The following TSPEAR variants were observed in gnomAD, a reference collection of about 807,000 sequenced individuals.
TSPEAR encodes the protein thrombospondin-type laminin G domain and EAR repeat-containing protein.
In TSPEAR, 69 loss-of-function variants were observed where a neutral mutation model predicts 71.6. That is an observed-to-expected ratio of 0.96 (90% CI 0.79 to 1.18). The LOEUF (loss-of-function observed/expected upper bound fraction) is 1.18, where lower values mean the gene tolerates loss of function less well. Among genes scored for constraint, TSPEAR ranks in the 50% most tolerant of loss-of-function variants. The pLI is 0.00. For synonymous variants in TSPEAR, 402 were observed against 387.2 expected, an observed-to-expected ratio of 1.04 and a Z score of -0.45; for missense variants, 971 against 894.9, an observed-to-expected ratio of 1.09 and a Z score of -1.09.
chr21:44,676,683 C>A, intron 1 of TSPEAR: 2 of 771,418 alleles, frequency 2.6e-6, no homozygotes, highest in African/African-American at 1.7e-5. Flanking sequence ...GGGCAGCTGC[C>A]TGTCAGTGAA....
chr21:44,500,154 C>G (rs149540317), intron 11 of TSPEAR, among the ~76,000 whole-genome samples: 121 of 152,332 alleles, frequency 7.9e-4, no homozygotes, highest in African/African-American at 2.7e-3. Flanking sequence ...AGGAAAGATT[C>G]CAGATCTCAC....
intron 1 of TSPEAR, among the ~76,000 whole-genome samples, chr21:44,570,841 G>T (rs2053783338): frequency 6.6e-6 from 1 of 152,206 alleles, no homozygotes; most frequent in Admixed American, 6.5e-5. Context: ...AAATTAAAAG[G>T]CTGATAAGGG....
At chr21:44,615,352 G>A (rs1237029528) in intron 1 of TSPEAR, among the ~76,000 whole-genome samples, 1 of 152,244 alleles carries the variant, frequency 6.6e-6, no homozygotes, top group Non-Finnish European at 1.5e-5. Flanking sequence ...AGGCCGCACA[G>A]GTGCCAAGCG....
At chr21:44,688,487 G>C (rs1205747178) in intron 1 of TSPEAR, among the ~76,000 whole-genome samples, 1 of 152,186 alleles carries the variant, frequency 6.6e-6, no homozygotes, top group Non-Finnish European at 1.5e-5. Flanking sequence ...TTGGGAGGCC[G>C]AGGAGGGCAG....
intron 2 of TSPEAR, chr21:44,551,044 A>C: frequency 1.2e-6 from 2 of 1,610,980 alleles, no homozygotes; most frequent in East Asian, 2.2e-5. Flanking sequence ...ACACGGCAGG[A>C]CTGCTGGCAG....
chr21:44,709,640 A>G (rs1988116312), intron 1 of TSPEAR, among the ~76,000 whole-genome samples: 1 of 152,210 alleles, frequency 6.6e-6, no homozygotes, highest in African/African-American at 2.4e-5. Context: ...GTGGGCACAG[A>G]CTCAGGGAGC....
At chr21:44,582,887 G>A (rs1273945630) in intron 1 of TSPEAR, among the ~76,000 whole-genome samples, 1 of 151,396 alleles carries the variant, frequency 6.6e-6, no homozygotes, top group Non-Finnish European at 1.5e-5. Flanking sequence ...CCAGGCTGGA[G>A]TGCAGTGGTG....
At chr21:44,620,656 T>C (rs1982381052) in intron 1 of TSPEAR, among the ~76,000 whole-genome samples, 1 of 152,248 alleles carries the variant, frequency 6.6e-6, no homozygotes, top group Admixed American at 6.5e-5. Flanking sequence ...TTAAAATTTC[T>C]ATTCCATTTA....
At chr21:44,576,904 T>C (rs1555924061) in intron 1 of TSPEAR, among the ~76,000 whole-genome samples, 1 of 152,128 alleles carries the variant, frequency 6.6e-6, no homozygotes, top group Non-Finnish European at 1.5e-5. Context: ...AGAGCAAGTC[T>C]CAGTGTCCTC....
chr21:44,624,661 T>G (rs973250089), intron 1 of TSPEAR, among the ~76,000 whole-genome samples: 1 of 152,232 alleles, frequency 6.6e-6, no homozygotes, highest in African/African-American at 2.4e-5. Flanking sequence ...TATTCACTGT[T>G]TCCAACTGAC....
intron 1 of TSPEAR, among the ~76,000 whole-genome samples, chr21:44,708,243 G>A (rs878551): frequency 0.25 from 37,438 of 152,008 alleles, 4,847 homozygotes; most frequent in Admixed American, 0.32. Context: ...GGGCCCCCTG[G>A]ACAGAGGACT....
chr21:44,527,634 A>G (rs1030323436), intron 6 of TSPEAR, 116 bp from the exon 7 acceptor site: 4 of 939,544 alleles, frequency 4.3e-6, no homozygotes, highest in Admixed American at 2.2e-5. Flanking sequence ...CCTGCGCCTC[A>G]GCCTCGGGCA....
In TSPEAR at chr21:44,542,131, TCAAA is replaced by T. The variant is rs1433207651; in HGVS notation, c.304-8212_304-8209del. ...GTCAAACTGGATTTATTAAATGGAA[TCAAA>T]CAAAAATTCTGGAAACGAAGAACAC... On this transcript the variant is annotated intron_variant, in intron 2 of 11. Transcript: ENST00000323084. 2.0e-5 allele frequency among the ~76,000 whole-genome samples: 3 copies of T among 152,162 alleles called. No individual in the cohort carries two copies. In the East Asian group the frequency reaches 5.8e-4, roughly 29 times the overall value.
chr21:44,604,704 G>C (rs782439547), intron 1 of TSPEAR, among the ~76,000 whole-genome samples: 1 of 152,232 alleles, frequency 6.6e-6, no homozygotes, highest in Non-Finnish European at 1.5e-5. Context: ...TCACCACTGA[G>C]TATGGCATCA....
At chr21:44,573,578 T>G in intron 1 of TSPEAR, 1 of 1,092,000 alleles carries the variant, frequency 9.2e-7, no homozygotes. Flanking sequence ...CAGCTACTGT[T>G]TATTCTCCTG....
intron 1 of TSPEAR, among the ~76,000 whole-genome samples, chr21:44,604,879 A>G (rs1981211703): frequency 6.6e-6 from 1 of 152,222 alleles, no homozygotes; most frequent in Non-Finnish European, 1.5e-5. Context: ...AGTGTGATGT[A>G]TCACATTTAT....
intron 1 of TSPEAR, chr21:44,666,933 G>C (rs781863417): frequency 1.9e-6 from 3 of 1,583,616 alleles, no homozygotes; most frequent in Non-Finnish European, 2.6e-6. Context: ...AGTGATGTCT[G>C]GGGACGGCCT....
intron 1 of TSPEAR, among the ~76,000 whole-genome samples, chr21:44,570,131 T>C (rs2053771377): frequency 1.3e-5 from 2 of 152,026 alleles, no homozygotes; most frequent in Non-Finnish European, 2.9e-5. Flanking sequence ...GGGGCCACCA[T>C]CCAGAAGGTG....
intron 1 of TSPEAR, among the ~76,000 whole-genome samples, chr21:44,692,463 A>G (rs1987161089): frequency 6.6e-6 from 1 of 152,218 alleles, no homozygotes; most frequent in South Asian, 2.1e-4. Context: ...GAAAATCCCA[A>G]AGAATCCACA....
Sources: gnomAD v4.1 joint callset for allele counts (sites outside exome capture counted in the v4.1 genomes callset) on GRCh38, gnomAD v4.1.1 for gene constraint, MANE v1.5 for transcripts, NCBI Gene and HGNC (gene_info 2026-07-23, HGNC 2026-07-21) for gene names.